Variants in LMOD3 observed in about 807,000 individuals in gnomAD.
LMOD3 encodes the protein leiomodin-3.
LMOD3 carries 31 observed loss-of-function variants against 41.8 expected under a neutral mutation model. The observed-to-expected ratio is 0.74, with a 90% confidence interval of 0.56 to 1.00. LMOD3 has a LOEUF of 1.00. Among genes scored for constraint, LMOD3 ranks in the 50% least tolerant of loss-of-function variants. The probability of loss-of-function intolerance (pLI) is 0.00; values close to 1 mark genes in which losing one functional copy is unlikely to be tolerated. For synonymous variants in LMOD3, 292 were observed against 241.9 expected (o/e 1.21, Z -1.92); for missense variants, 755 against 679.5 (o/e 1.11, Z -1.23).
chr3:69,121,994 A>G, intron 1 of LMOD3, 99 bp downstream of exon 1: 2 of 996,282 alleles, frequency 2.0e-6, no homozygotes, highest in Non-Finnish European at 2.9e-6. Flanking sequence ...ACAAAGCAGA[A>G]CCAAACCCTG....
chr3:69,119,685 C>G lies in LMOD3; in HGVS notation c.670G>C (p.Asp224His). The G allele has an allele frequency of 6.2e-7, 1 of 1,613,976 alleles. No homozygotes were observed. The highest frequency in any genetic ancestry group is 2.2e-5 in the East Asian group (1 of 44,872). Reference sequence around the variant, plus strand: ...GTACTTACCTTCAAAAAGCTGGTGTCTAGAGCTAACTTCTTAGGATCTAAT... The same window carrying G: ...GTACTTACCTTCAAAAAGCTGGTGTGTAGAGCTAACTTCTTAGGATCTAAT... ...SKLDPKKLAL[D>H]TSFLKVSTRP... The change falls in exon 2 of 3, where the codon GAC (aspartate) becomes CAC (histidine). Residue 224 changes from aspartate (D) to histidine (H), a missense_variant. Physicochemically the swap from Asp to His is moderately conservative, Grantham distance 81. Transcript: ENST00000420581.
At position 69,119,910 on chromosome 3, in the gene LMOD3, CTTCATCTTCTTCATCTGTTTCTTG is replaced by C; in HGVS notation, c.421_444del (p.Gln141_Glu148del). 3 of 1,545,422 alleles carry C rather than the reference CTTCATCTTCTTCATCTGTTTCTTG, an allele frequency of 1.9e-6. No homozygotes were observed. The highest frequency in any genetic ancestry group is 2.6e-6 in the Non-Finnish European group (3 of 1,139,140). ...TCGTCATCATCATCATCTTCTTCTT[CTTCATCTTCTTCATCTGTTTCTTG>C]GATATTGCTGCTGCCCTTTGATTCT... On this transcript the variant is annotated inframe_deletion, in exon 2 of 3. Coordinates refer to ENST00000420581, the MANE Select transcript of LMOD3 (RefSeq NM_198271.5).
chr3:69,109,729 A>G (rs1415620067), intron 2 of LMOD3, among the ~76,000 whole-genome samples: 1 of 151,984 alleles, frequency 6.6e-6, no homozygotes, highest in Admixed American at 6.6e-5. Context: ...GGGTTTCACC[A>G]TGTTGGCCTG....
rs897704703 is a variant in LMOD3 at position 69,121,440 on chromosome 3, A to T, written c.294+653T>A. Among the ~76,000 whole-genome samples, 27 of 103,804 alleles carry T rather than the reference A, an allele frequency of 2.6e-4. No homozygotes were observed. The African/African-American group carries it at 2.8e-3, about 11-fold the overall frequency. The allele number at this position is 103,804 out of a possible 152,430, so 68.1% of individuals were successfully genotyped here. A position where few individuals can be genotyped will look rare whatever the true frequency, so the allele number is the denominator to read the frequency against. Reference sequence around the variant, plus strand: ...TTAAGTCATTTTCAAGTGGAACATAAAAAAAAAAATTATGCTCATGCACAG... The same window carrying T: ...TTAAGTCATTTTCAAGTGGAACATATAAAAAAAAATTATGCTCATGCACAG... On this transcript the variant is annotated intron_variant, in intron 1 of 2. Transcript: ENST00000420581.
At position 69,119,817 on chromosome 3, in the gene LMOD3, G is replaced by T. The variant is rs758411170; in HGVS notation, c.538C>A (p.Gln180Lys). Residue 180 changes from glutamine to lysine, a missense_variant, in exon 2 of 3, where the codon CAA becomes AAA. Transcript: ENST00000420581. ...NREEEGKAKE[Q>K]IRNCENNCQQ... is the part of the protein sequence containing the mutation. ...CAGTTGTTCTCACAATTTCTAATTTGTTCCTTTGCTTTGCCTTCCTCTTCT... is the reference window on the plus strand; with the variant it reads ...CAGTTGTTCTCACAATTTCTAATTTTTTCCTTTGCTTTGCCTTCCTCTTCT... The T allele has an allele frequency of 6.3e-7, 1 of 1,590,396 alleles. No individual in the cohort carries two copies. Among genetic ancestry groups the T allele is most frequent in the South Asian group, 1.1e-5 (1 of 88,668 alleles).
Position 69,119,601 on chromosome 3 carries a change from C to T in LMOD3, c.754G>A (p.Asp252Asn), listed in dbSNP as rs2092396714. 1 of 1,613,612 alleles carries T rather than the reference C, an allele frequency of 6.2e-7. No homozygotes were observed. Among genetic ancestry groups the T allele is most frequent in the Admixed American group, 1.7e-5 (1 of 60,006 alleles). ...DGSLRRVRKN[D>N]PDMKELNLNN... is the part of the protein sequence containing the mutation. ...AGGTTGAGTTCCTTCATGTCAGGAT[C>T]ATTTTTCCTAACTCTCCTCAAGCTC... is the stretch of plus-strand genomic sequence containing the variant. The change falls in exon 2 of 3, where the codon GAT becomes AAT. Residue 252 changes from aspartate (D) to asparagine (N), a missense_variant. By Grantham distance (23) the Asp-to-Asn change is conservative. Coordinates refer to ENST00000420581, the MANE Select transcript of LMOD3 (RefSeq NM_198271.5).
In LMOD3 at chr3:69,119,932, T is replaced by C; in HGVS notation, c.423A>G (p.Gln141=). ...CTTCTTCATCTTCTTCATCTGTTTCTTGGATATTGCTGCTGCCCTTTGATT... is the reference window on the plus strand; with the variant it reads ...CTTCTTCATCTTCTTCATCTGTTTCCTGGATATTGCTGCTGCCCTTTGATT... ...KRESKGSSNI[Q]ETDEEDEEEE... Residue 141 remains glutamine (Q), a synonymous_variant, in exon 2 of 3, where the codon CAA becomes CAG. Coordinates refer to ENST00000420581, the MANE Select transcript of LMOD3 (RefSeq NM_198271.5). The C allele has an allele frequency of 6.4e-7, 1 of 1,560,588 alleles. No individual in the cohort carries two copies. Among genetic ancestry groups the C allele is most frequent in the Non-Finnish European group, 8.7e-7 (1 of 1,150,294 alleles).
Position 69,106,285 on chromosome 3 carries a change from A to G in LMOD3, c.*2810T>C, listed in dbSNP as rs2092322133. Among the ~76,000 whole-genome samples, 1 of 152,138 alleles carries G rather than the reference A, an allele frequency of 6.6e-6. No homozygotes were observed. The highest frequency in any genetic ancestry group is 6.6e-5 in the Admixed American group (1 of 15,262). On this transcript the variant is annotated 3_prime_UTR_variant, in exon 3 of 3. Coordinates refer to ENST00000420581, the MANE Select transcript of LMOD3 (RefSeq NM_198271.5). Reference sequence around the variant, plus strand: ...TATACATGTTAGCCCAGTTTTATATACATGTTAGCCCATTCCATTTTCTAC... The same window carrying G: ...TATACATGTTAGCCCAGTTTTATATGCATGTTAGCCCATTCCATTTTCTAC...
intron 2 of LMOD3, among the ~76,000 whole-genome samples, chr3:69,115,999 A>G (rs1487323208): frequency 6.6e-6 from 1 of 152,236 alleles, no homozygotes; most frequent in Admixed American, 6.5e-5. Context: ...TTAAAGAAAG[A>G]TAAGTAAGCA....
chr3:69,109,176 CT>C, intron 2 of LMOD3, 55 bp from the exon 3 acceptor site: 1 of 1,548,358 alleles, frequency 6.5e-7, no homozygotes, highest in African/African-American at 1.4e-5. Context: ...AATTTAAGAG[CT>C]TTGCAGCAAA....
chr3:69,112,918 T>TC (rs2092356125), intron 2 of LMOD3, among the ~76,000 whole-genome samples: 1 of 152,220 alleles, frequency 6.6e-6, no homozygotes, highest in African/African-American at 2.4e-5. Context: ...AAACCTTTTT[T>TC]CCCACTACAC....
rs2092336183 is a variant in LMOD3, at chr3:69,109,043, T to A, written c.*52A>T. 3.3e-6 allele frequency: 5 copies of A among 1,507,924 alleles called. No homozygotes were observed. The highest frequency in any genetic ancestry group is 2.7e-6 in the Non-Finnish European group (3 of 1,101,784). The allele number at this position is 1,507,924 out of a possible 1,614,324, so 93.4% of individuals were successfully genotyped here. A position where few individuals can be genotyped will look rare whatever the true frequency, so the allele number is the denominator to read the frequency against. On this transcript the variant is annotated 3_prime_UTR_variant, in exon 3 of 3. Transcript: ENST00000420581. ...TGCTGACATAGTCTCCATGCTGTAA[T>A]CCAAGAGTCACTATTTCCATTTCTT... is the stretch of plus-strand genomic sequence containing the variant.
At position 69,107,064 on chromosome 3, in the gene LMOD3, T is replaced by C. The variant is rs564966039; in HGVS notation, c.*2031A>G. 1 of 152,114 alleles carries C rather than the reference T, an allele frequency of 6.6e-6. No homozygotes were observed. Among genetic ancestry groups the C allele is most frequent in the South Asian group, 2.1e-4 (1 of 4,818 alleles). The allele number at this position is 152,114 out of a possible 1,614,324, so 9.4% of individuals were successfully genotyped here. Reference sequence around the variant, plus strand: ...TTAATTATGTTTAAAGTGCTTTTCCTATCAGAGTTTAGCCTCTTAGATGTA... The same window carrying C: ...TTAATTATGTTTAAAGTGCTTTTCCCATCAGAGTTTAGCCTCTTAGATGTA... On this transcript the variant is annotated 3_prime_UTR_variant, in exon 3 of 3. Coordinates refer to ENST00000420581, the MANE Select transcript of LMOD3 (RefSeq NM_198271.5).
At position 69,119,415 on chromosome 3, in the gene LMOD3, T is replaced by A. The variant is rs1319708395; in HGVS notation, c.940A>T (p.Thr314Ser). The A allele has an allele frequency of 6.2e-7, 1 of 1,613,768 alleles. No individual in the cohort carries two copies. The highest frequency in any genetic ancestry group is 8.5e-7 in the Non-Finnish European group (1 of 1,179,876). Residue 314 changes from threonine to serine, a missense_variant, in exon 2 of 3, where the codon ACT becomes TCT. By Grantham distance (58) the Thr-to-Ser change is moderately conservative. Transcript: ENST00000420581. ...ATGAAATTGGACTCGATGTTGAGAG[T>A]GGTGATGCTTCTATTTTCACGCAAC... ...NMLRENRSIT[T>S]LNIESNFITG...
At chr3:69,114,885 A>G (rs1056528866) in intron 2 of LMOD3, among the ~76,000 whole-genome samples, 12 of 152,158 alleles carry the variant, frequency 7.9e-5, no homozygotes, top group Non-Finnish European at 1.8e-4. Context: ...TTTATTTTTC[A>G]CACAGGGTCT....
At chr3:69,117,542 G>T (rs1353339645) in intron 2 of LMOD3, among the ~76,000 whole-genome samples, 1 of 151,946 alleles carries the variant, frequency 6.6e-6, no homozygotes, top group Non-Finnish European at 1.5e-5. Context: ...CTCAATAAAC[G>T]CCATCATAAT....
At chr3:69,114,100 G>A (rs2092361090) in intron 2 of LMOD3, among the ~76,000 whole-genome samples, 1 of 152,142 alleles carries the variant, frequency 6.6e-6, no homozygotes. Context: ...AGCAGTAAGG[G>A]CAAAAGAGAA....
In LMOD3 at chr3:69,119,886, C is replaced by T. The variant is rs574142691; in HGVS notation, c.469G>A (p.Asp157Asn). The T allele has an allele frequency of 5.5e-5, 86 of 1,550,410 alleles. No individual in the cohort carries two copies. Among genetic ancestry groups the T allele is most frequent in the East Asian group, 7.3e-5 (3 of 41,298 alleles). Residue 157 changes from aspartate (D) to asparagine (N), a missense_variant, in exon 2 of 3, where the codon GAC (aspartate) becomes AAC (asparagine). Transcript: ENST00000420581. ...TCTTCACCATCATCTTCTCCTTCGT[C>T]GTCATCATCATCATCTTCTTCTTCT... ...DEEEEDDDDD[D>N]EGEDDGEESE... is the part of the protein sequence containing the mutation.
chr3:69,120,599 AATAT>A (rs149532027), intron 1 of LMOD3, among the ~76,000 whole-genome samples: 1 of 150,708 alleles, frequency 6.6e-6, no homozygotes, highest in Non-Finnish European at 1.5e-5. Flanking sequence ...GACATTTTGG[AATAT>A]ATATATATTT....
Sources: gnomAD v4.1 joint callset for allele counts (sites outside exome capture counted in the v4.1 genomes callset) on GRCh38, gnomAD v4.1.1 for gene constraint, MANE v1.5 for transcripts, NCBI Gene and HGNC (gene_info 2026-07-23, HGNC 2026-07-21) for gene names.